Variants in DOCK9 observed in about 807,000 individuals in gnomAD.
DOCK9 encodes the protein dedicator of cytokinesis 9, also known as dedicator of cytokinesis protein 9.
DOCK9 carries 89 observed loss-of-function variants against 263.3 expected under a neutral mutation model. The ratio of observed to expected loss-of-function variants is 0.34; its 90% confidence interval spans 0.28 to 0.40. DOCK9 has a LOEUF of 0.40. DOCK9 is among the 10% of genes least tolerant of loss of function. The pLI is 1.00. For missense variants in DOCK9, 2,140 were observed against 2,603.4 expected, an observed-to-expected ratio of 0.82 and a Z score of 3.87; for synonymous variants, 976 against 973.1, an observed-to-expected ratio of 1.00 and a Z score of -0.06.
At chr13:99,088,054 CA>C (rs1333068569), upstream of DOCK9, 1 of 152,254 alleles carries the variant, frequency 6.6e-6, no homozygotes, top group Non-Finnish European at 1.5e-5. Flanking sequence ...GCGCAGAGAG[CA>C]AAACACCTCC....
chr13:98,925,379 A>AT (rs1491365231), intron 4 of DOCK9, among the ~76,000 whole-genome samples: 1 of 151,262 alleles, frequency 6.6e-6, no homozygotes, highest in East Asian at 1.9e-4. Flanking sequence ...ATTAAAGGAG[A>AT]TAAAAAAAAA....
At chr13:98,819,812 GTC>G (rs1416784495) in intron 45 of DOCK9, among the ~76,000 whole-genome samples, 1 of 152,238 alleles carries the variant, frequency 6.6e-6, no homozygotes, top group Admixed American at 6.5e-5. Context: ...TTCTGTTGAT[GTC>G]TCTATCTCCT....
At chr13:98,981,109 T>G (rs1877094011), upstream of DOCK9, among the ~76,000 whole-genome samples, 1 of 151,264 alleles carries the variant, frequency 6.6e-6, no homozygotes, top group African/African-American at 2.4e-5. Context: ...CAGACTGGAG[T>G]GCAGTGGTGC....
chr13:99,078,250 A>T (rs2041990734), intron 1 of DOCK9, among the ~76,000 whole-genome samples: 1 of 152,184 alleles, frequency 6.6e-6, no homozygotes, highest in African/African-American at 2.4e-5. Context: ...AACTGTGGAA[A>T]TTGCAAAGAG....
chr13:98,972,119 T>C (rs1307598263), intron 1 of DOCK9, among the ~76,000 whole-genome samples: 1 of 152,216 alleles, frequency 6.6e-6, no homozygotes, highest in Non-Finnish European at 1.5e-5. Flanking sequence ...ACTTATTGAA[T>C]GTGTAACTTT....
intron 12 of DOCK9, 55 bp from the exon 13 acceptor site, chr13:98,901,955 A>T (rs2048341734): frequency 1.3e-6 from 2 of 1,589,938 alleles, no homozygotes; most frequent in South Asian, 2.3e-5. Context: ...CGTTAAACAA[A>T]TCCCATGAAC....
Position 98,868,375 on chromosome 13 carries a change from C to T in DOCK9, c.2946G>A (p.Leu982=), listed in dbSNP as rs761924598. Residue 982 remains leucine (L), a splice_region_variant and synonymous_variant, in exon 28 of 53, where the codon TTG becomes TTA. Coordinates refer to ENST00000682017, the MANE Select transcript of DOCK9 (RefSeq NM_001366683.2). ...QHLIENSKVK[L]LRNQRFPASY... ...ATGCAGGAAATCTCTGGTTTCGCAGCAACTAAAAAGAATTCAGAGCAAACA... is the reference window on the plus strand; with the variant it reads ...ATGCAGGAAATCTCTGGTTTCGCAGTAACTAAAAAGAATTCAGAGCAAACA... 13 of 1,608,598 alleles carry T rather than the reference C, an allele frequency of 8.1e-6. No individual in the cohort carries two copies. Among genetic ancestry groups the T allele is most frequent in the Non-Finnish European group, 7.6e-6 (9 of 1,177,908 alleles).
At chr13:98,864,678 G>T (rs895535955) in intron 30 of DOCK9, among the ~76,000 whole-genome samples, 3 of 152,190 alleles carry the variant, frequency 2.0e-5, no homozygotes, top group Non-Finnish European at 4.4e-5. Context: ...ATCTATGGTT[G>T]TGTGTATGAA....
intron 1 of DOCK9, among the ~76,000 whole-genome samples, chr13:99,013,364 C>T (rs954984623): frequency 1.3e-5 from 2 of 152,224 alleles, no homozygotes; most frequent in Admixed American, 6.5e-5. Flanking sequence ...ATCCTCCTGC[C>T]TTGGCCTCCC....
At chr13:98,876,182 GT>G (rs1445792762) in intron 27 of DOCK9, among the ~76,000 whole-genome samples, 1 of 152,154 alleles carries the variant, frequency 6.6e-6, no homozygotes, top group Non-Finnish European at 1.5e-5. Flanking sequence ...TGTGTGCCTC[GT>G]CATGACACTT....
At chr13:99,032,606 T>C (rs576901126) in intron 1 of DOCK9, among the ~76,000 whole-genome samples, 37 of 152,128 alleles carry the variant, frequency 2.4e-4, no homozygotes, top group African/African-American at 8.0e-4. Context: ...GTACTATAAA[T>C]TTATTAATTT....
intron 1 of DOCK9, among the ~76,000 whole-genome samples, chr13:99,051,088 G>T (rs947890179): frequency 2.0e-5 from 3 of 152,102 alleles, no homozygotes; most frequent in Admixed American, 1.3e-4. Flanking sequence ...AGCAATAAAG[G>T]GCTGTGCGAG....
chr13:99,043,035 T>C (rs1180015697), intron 1 of DOCK9, among the ~76,000 whole-genome samples: 1 of 151,988 alleles, frequency 6.6e-6, no homozygotes, highest in Non-Finnish European at 1.5e-5. Flanking sequence ...CTGGGTGACA[T>C]CATCTAGGCA....
chr13:99,086,511 GC>G, exon 1 of DOCK9: 1 of 314,242 alleles, frequency 3.2e-6, no homozygotes, highest in Non-Finnish European at 4.6e-6. Flanking sequence ...GGCCGCCGCA[GC>G]CCAGGCCGCG....
rs61657568 is a variant in DOCK9 at position 98,911,044 on chromosome 13, T to C, written c.960+3284A>G. 3.9e-3 allele frequency among the ~76,000 whole-genome samples: 588 copies of C among 152,294 alleles called. 1 individual carries two copies. The highest frequency in any genetic ancestry group is 0.013 in the African/African-American group (547 of 41,558). ...CTGCATTTTTGCTCAAGGCTGGGGA[T>C]GGGGAACACAGGTCTCCCCTTACTG... On this transcript the variant is annotated intron_variant, in intron 9 of 52. Coordinates refer to ENST00000682017, the MANE Select transcript of DOCK9 (RefSeq NM_001366683.2).
chr13:98,881,060 A>G (rs1223937522), intron 25 of DOCK9, among the ~76,000 whole-genome samples: 1 of 152,242 alleles, frequency 6.6e-6, no homozygotes, highest in Non-Finnish European at 1.5e-5. Flanking sequence ...ATCTGTTTAG[A>G]ATAGTAACTG....
upstream of DOCK9, among the ~76,000 whole-genome samples, chr13:98,982,885 C>T (rs531768849): frequency 9.9e-5 from 15 of 152,174 alleles, no homozygotes; most frequent in East Asian, 5.8e-4. Flanking sequence ...TTTTTTGAGA[C>T]GAAGTGTATT....
intron 1 of DOCK9, among the ~76,000 whole-genome samples, chr13:98,965,052 C>A (rs2059060356): frequency 6.6e-6 from 1 of 152,206 alleles, no homozygotes; most frequent in South Asian, 2.1e-4. Context: ...CAATGATTAG[C>A]TCACCTGGGG....
intron 38 of DOCK9, among the ~76,000 whole-genome samples, chr13:98,844,941 C>T (rs546303236): frequency 1.3e-5 from 2 of 152,220 alleles, no homozygotes; most frequent in East Asian, 1.9e-4. Flanking sequence ...CTTGGAATAA[C>T]AAATAATTGT....
Sources: gnomAD v4.1 joint callset for allele counts (sites outside exome capture counted in the v4.1 genomes callset) on GRCh38, gnomAD v4.1.1 for gene constraint, MANE v1.5 for transcripts, NCBI Gene and HGNC (gene_info 2026-07-23, HGNC 2026-07-21) for gene names.